The following XYLT2 variants were observed in gnomAD, a reference collection of about 807,000 sequenced individuals.
XYLT2 encodes the protein xylosyltransferase 2.
A neutral mutation model predicts 82.6 loss-of-function variants in XYLT2; 37 were observed. That is an observed-to-expected ratio of 0.45 (90% CI 0.34 to 0.59). The LOEUF (loss-of-function observed/expected upper bound fraction) is 0.59, where lower values mean the gene tolerates loss of function less well. XYLT2 is among the 20% of genes least tolerant of loss of function. XYLT2 has a pLI of 0.01. For synonymous variants in XYLT2, 474 were observed against 499.0 expected, an observed-to-expected ratio of 0.95 and a Z score of 0.67; for missense variants, 934 against 1,181.3, an observed-to-expected ratio of 0.79 and a Z score of 3.07.
chr17:50,347,059 C>T, intron 1 of XYLT2: 22 of 445,754 alleles, frequency 4.9e-5, no homozygotes, highest in Non-Finnish European at 6.5e-5. Context: ...CCCCAAGTCC[C>T]TGCCTCGAGG....
intron 5 of XYLT2, 66 bp from the exon 6 acceptor site, chr17:50,355,715 G>A: frequency 6.3e-7 from 1 of 1,596,224 alleles, no homozygotes; most frequent in Non-Finnish European, 8.6e-7. Flanking sequence ...TTGGTTGCCA[G>A]GCGGGTGAAA....
In XYLT2 at chr17:50,360,959, G is replaced by A. The variant is rs1193791233; in HGVS notation, c.*668G>A. 2 of 985,900 alleles carry A rather than the reference G, an allele frequency of 2.0e-6. No homozygotes were observed. The highest frequency in any genetic ancestry group is 5.2e-4 in the Middle Eastern group (1 of 1,914). 61.1% of individuals were successfully genotyped at this position (985,900 alleles called of 1,614,324 possible). Reference sequence around the variant, plus strand: ...GGGCTTTCCAGCATACCCTGCCCCTGGATGGGAAAGGCAGGGTCAGGGCCC... The same window carrying A: ...GGGCTTTCCAGCATACCCTGCCCCTAGATGGGAAAGGCAGGGTCAGGGCCC... On this transcript the variant is annotated 3_prime_UTR_variant, in exon 11 of 11. Transcript: ENST00000017003.
In XYLT2 at chr17:50,360,432, G is replaced by A; in HGVS notation, c.*141G>A. 4 of 1,429,332 alleles carry A rather than the reference G, an allele frequency of 2.8e-6. No individual in the cohort carries two copies. Among genetic ancestry groups the A allele is most frequent in the Non-Finnish European group, 3.7e-6 (4 of 1,095,482 alleles). The allele number at this position is 1,429,332 out of a possible 1,614,324, so 88.5% of individuals were successfully genotyped here. Reference sequence around the variant, plus strand: ...CATCAAGAACCCACACAGACGGCAGGGAAGGTGGACACAGTATGAACTACT... The same window carrying A: ...CATCAAGAACCCACACAGACGGCAGAGAAGGTGGACACAGTATGAACTACT... On this transcript the variant is annotated 3_prime_UTR_variant, in exon 11 of 11. Transcript: ENST00000017003.
In XYLT2 at chr17:50,346,669, G is replaced by A; in HGVS notation, c.135+394G>A. 1.0e-6 allele frequency: 1 copy of A among 985,406 alleles called. No individual in the cohort carries two copies. The highest frequency in any genetic ancestry group is 1.2e-6 in the Non-Finnish European group (1 of 829,918). 61.0% of individuals were successfully genotyped at this position (985,406 alleles called of 1,614,324 possible). A position where few individuals can be genotyped will look rare whatever the true frequency, so the allele number is the denominator to read the frequency against. ...ACTTTCTGAAGTTGGGAGGGGGCGG[G>A]GATATGCGCGCCGTGGGCGGAGGAG... is the stretch of plus-strand genomic sequence containing the variant. On this transcript the variant is annotated intron_variant, in intron 1 of 10. Coordinates refer to ENST00000017003, the MANE Select transcript of XYLT2 (RefSeq NM_022167.4). This position sits in a 1 kb window ranked among gnomAD's most constrained non-coding sequence, Gnocchi z 5.1.
intron 9 of XYLT2, 86 bp downstream of exon 9, chr17:50,357,338 G>A (rs1190873682): frequency 7.4e-7 from 1 of 1,360,410 alleles, no homozygotes; most frequent in Non-Finnish European, 9.7e-7. Context: ...CAAGGGAGGG[G>A]TAAGGTTATT....
rs2143249799 is a variant in XYLT2, at chr17:50,360,449, T to C, written c.*158T>C. 7.0e-7 allele frequency: 1 copy of C among 1,419,212 alleles called. No homozygotes were observed. The highest frequency in any genetic ancestry group is 2.5e-4 in the Middle Eastern group (1 of 3,936). 87.9% of individuals were successfully genotyped at this position (1,419,212 alleles called of 1,614,324 possible). A position where few individuals can be genotyped will look rare whatever the true frequency, so the allele number is the denominator to read the frequency against. On this transcript the variant is annotated 3_prime_UTR_variant, in exon 11 of 11. Transcript: ENST00000017003. ...GACGGCAGGGAAGGTGGACACAGTA[T>C]GAACTACTGCTGATGTCTCTGTTGG... is the stretch of plus-strand genomic sequence containing the variant.
In XYLT2 at chr17:50,355,015, G is replaced by A. The variant is rs755065411; in HGVS notation, c.966G>A (p.Trp322Ter). The change falls in exon 4 of 11, where the codon TGG (tryptophan) becomes TGA (stop). Residue 322 changes from tryptophan (W) to a stop codon, truncating the protein, a stop_gained. Coordinates refer to ENST00000017003, the MANE Select transcript of XYLT2 (RefSeq NM_022167.4). LOFTEE classifies it high-confidence loss of function. ...TGCTAGAGGTGCCTGGCTGGGCCTG[G>A]GACTTCTTCATCAACCTCAGTGCCA... ...RDLLEVPGWA[W>*]DFFINLSATD... 6.5e-7 allele frequency: 1 copy of A among 1,541,166 alleles called. No homozygotes were observed. The highest frequency in any genetic ancestry group is 1.3e-5 in the South Asian group (1 of 78,866).
At chr17:50,350,691 G>A (rs1912230595) in intron 1 of XYLT2, among the ~76,000 whole-genome samples, 1 of 152,124 alleles carries the variant, frequency 6.6e-6, no homozygotes, top group Admixed American at 6.5e-5. Flanking sequence ...TGAGGAGAAA[G>A]ACAAATTAAA....
In XYLT2 at chr17:50,354,406, AG is replaced by A. The variant is rs1912416912; in HGVS notation, c.630del. On this transcript the variant is annotated splice_acceptor_variant, in intron 2 of 10. Transcript: ENST00000017003. LOFTEE classifies it high-confidence loss of function. ...TCGCCAACGCCTGTCCTCTGCTCTCAGGGAAGATGAGCCCCGGCATCCAGTG... is the reference window on the plus strand; with the variant it reads ...TCGCCAACGCCTGTCCTCTGCTCTCAGGAAGATGAGCCCCGGCATCCAGTG... 1 of 1,605,334 alleles carries A rather than the reference AG, an allele frequency of 6.2e-7. No individual in the cohort carries two copies. Among genetic ancestry groups the A allele is most frequent in the Non-Finnish European group, 8.5e-7 (1 of 1,175,916 alleles).
At position 50,354,079 on chromosome 17, in the gene XYLT2, G is replaced by A. The variant is rs770438398; in HGVS notation, c.585G>A (p.Gly195=). The part of the protein sequence containing the change: ...IANVVCLHQA[G]SLMPKAVPRH... Reference sequence around the variant, plus strand: ...ATGTGGTGTGCCTGCACCAGGCTGGGAGCCTCATGCCCAAGGCTGTGCCCC... The same window carrying A: ...ATGTGGTGTGCCTGCACCAGGCTGGAAGCCTCATGCCCAAGGCTGTGCCCC... The change falls in exon 2 of 11, where the codon GGG becomes GGA. Residue 195 remains glycine (G), a synonymous_variant. Coordinates refer to ENST00000017003, the MANE Select transcript of XYLT2 (RefSeq NM_022167.4). The A allele has an allele frequency of 6.2e-7, 1 of 1,607,266 alleles. No homozygotes were observed. The highest frequency in any genetic ancestry group is 1.1e-5 in the South Asian group (1 of 91,090).
chr17:50,360,216 G>A lies in XYLT2; in HGVS notation c.2523G>A (p.Leu841=). The change falls in exon 11 of 11, where the codon CTG becomes CTA. Residue 841 remains leucine, a synonymous_variant. Coordinates refer to ENST00000017003, the MANE Select transcript of XYLT2 (RefSeq NM_022167.4). Reference sequence around the variant, plus strand: ...GCCCCTCCCTGGAGCCCTGCAGACTGACCAGCTGGAGCTCTCTGTCCCCCG... The same window carrying A: ...GCCCCTCCCTGGAGCCCTGCAGACTAACCAGCTGGAGCTCTCTGTCCCCCG... The part of the protein sequence containing the change: ...SPCPSLEPCR[L]TSWSSLSPDP... 1 of 1,614,036 alleles carries A rather than the reference G, an allele frequency of 6.2e-7. No homozygotes were observed. Among genetic ancestry groups the A allele is most frequent in the Non-Finnish European group, 8.5e-7 (1 of 1,179,984 alleles).
In XYLT2 at chr17:50,354,927, G is replaced by A. The variant is rs142341132; in HGVS notation, c.878G>A (p.Arg293His). 1.5e-5 allele frequency: 24 copies of A among 1,603,200 alleles called. No homozygotes were observed. The highest frequency in any genetic ancestry group is 1.3e-4 in the East Asian group (6 of 44,818). Reference protein sequence around the residue: ...GYDNVRVTPWRMVTIWGGASL... With the variant: ...GYDNVRVTPWHMVTIWGGASL... The stretch of plus-strand genomic sequence containing the variant: ...GATAACGTGCGGGTGACGCCCTGGC[G>A]CATGGTTACCATCTGGGGCGGGGCC... The change falls in exon 4 of 11, where the codon CGC becomes CAC. Residue 293 changes from arginine (R) to histidine (H), a missense_variant. By Grantham distance (29) the Arg-to-His change is conservative. Coordinates refer to ENST00000017003, the MANE Select transcript of XYLT2 (RefSeq NM_022167.4).
chr17:50,358,725 A>G (rs975155989), intron 10 of XYLT2, among the ~76,000 whole-genome samples, 185 bp downstream of exon 10: 1 of 152,226 alleles, frequency 6.6e-6, no homozygotes, highest in Admixed American at 6.5e-5. Context: ...TGTGGTGGAA[A>G]AGGGAGCTTT....
intron 1 of XYLT2, among the ~76,000 whole-genome samples, chr17:50,348,819 G>A (rs991438000): frequency 2.6e-5 from 4 of 152,196 alleles, no homozygotes; most frequent in Non-Finnish European, 4.4e-5. Context: ...AGGCCAGAAT[G>A]TATCCCAGCC....
Position 50,360,386 on chromosome 17 carries a change from A to G in XYLT2, c.*95A>G, listed in dbSNP as rs1450414233. ...TCCCACAGGCAAGAACCAGAGGCCC[A>G]GGCTGCACACCCATTTCAGCCATCA... is the stretch of plus-strand genomic sequence containing the variant. On this transcript the variant is annotated 3_prime_UTR_variant, in exon 11 of 11. Coordinates refer to ENST00000017003, the MANE Select transcript of XYLT2 (RefSeq NM_022167.4). 1 of 1,444,334 alleles carries G rather than the reference A, an allele frequency of 6.9e-7. No individual in the cohort carries two copies. Among genetic ancestry groups the G allele is most frequent in the East Asian group, 2.5e-5 (1 of 40,000 alleles). 89.5% of individuals were successfully genotyped at this position (1,444,334 alleles called of 1,614,324 possible). A position where few individuals can be genotyped will look rare whatever the true frequency, so the allele number is the denominator to read the frequency against.
chr17:50,357,561 G>A (rs945279362), intron 9 of XYLT2: 3 of 300,602 alleles, frequency 1.0e-5, no homozygotes, highest in Admixed American at 5.0e-5. Flanking sequence ...GTTGGGCCAT[G>A]AAACTACACT....
At chr17:50,354,684 G>A in intron 3 of XYLT2, 101 bp downstream of exon 3, 2 of 1,436,330 alleles carry the variant, frequency 1.4e-6, no homozygotes, top group Non-Finnish European at 1.9e-6. Context: ...TAGCCTAGGA[G>A]GGAAACTGAG....
intron 1 of XYLT2, among the ~76,000 whole-genome samples, chr17:50,348,099 G>GATTC (rs56009738): frequency 0.22 from 34,006 of 151,784 alleles, 3,985 homozygotes; most frequent in Non-Finnish European, 0.24. Context: ...TTGGGAATAC[G>GATTC]ATTCATTCAT....
chr17:50,354,805 G>A (rs1438633332), intron 3 of XYLT2, 49 bp from the exon 4 acceptor site: 1 of 1,604,886 alleles, frequency 6.2e-7, no homozygotes, highest in Non-Finnish European at 8.5e-7. Context: ...GGGTGGGATT[G>A]GGGATGGCGA....
Sources: allele counts gnomAD v4.1 joint callset (sites outside exome capture counted in the v4.1 genomes callset), GRCh38; gene constraint gnomAD v4.1.1; non-coding constraint Gnocchi (gnomAD v3.1); transcripts MANE v1.5; gene names NCBI Gene and HGNC (gene_info 2026-07-23, HGNC 2026-07-21).